COL26A1: variants seen among roughly 807,000 people sequenced by gnomAD.
COL26A1 encodes the protein collagen type XXVI alpha 1 chain, also known as collagen alpha-1(XXVI) chain.
In COL26A1, 41 loss-of-function variants were observed where a neutral mutation model predicts 59.3. The observed-to-expected ratio is 0.69, with a 90% CI of 0.54 to 0.90. The LOEUF is 0.90. COL26A1 is among the 40% of genes least tolerant of loss of function. COL26A1 has a pLI of 0.00. For missense variants in COL26A1, 612 were observed against 602.3 expected (o/e 1.02, Z -0.17); for synonymous variants, 266 against 256.0 (o/e 1.04, Z -0.37).
chr7:101,401,527 A>ACAG (rs527448294), intron 1 of COL26A1, among the ~76,000 whole-genome samples: 1 of 148,134 alleles, frequency 6.8e-6, no homozygotes, highest in Non-Finnish European at 1.5e-5. Flanking sequence ...AGGAGGACAA[A>ACAG]GAGAAGGAGG....
intron 2 of COL26A1, among the ~76,000 whole-genome samples, chr7:101,441,505 A>G (rs1301869203): frequency 6.6e-6 from 1 of 152,026 alleles, no homozygotes; most frequent in Non-Finnish European, 1.5e-5. Context: ...TTTAGTAGAG[A>G]TGGGGTTTCA....
At chr7:101,547,544 G>A (rs1432143435) in intron 8 of COL26A1, among the ~76,000 whole-genome samples, 1 of 152,236 alleles carries the variant, frequency 6.6e-6, no homozygotes, top group Non-Finnish European at 1.5e-5. Flanking sequence ...GGTCAGGACA[G>A]AGGTGGCAGG....
intron 1 of COL26A1, among the ~76,000 whole-genome samples, chr7:101,401,511 G>A (rs1791994568): frequency 6.9e-6 from 1 of 145,364 alleles, no homozygotes. Flanking sequence ...GAAGAGGAGG[G>A]GGAGCAGGAG....
At chr7:101,550,944 T>C (rs988043529) in intron 9 of COL26A1, among the ~76,000 whole-genome samples, 164 bp from the exon 10 acceptor site, 15 of 152,208 alleles carry the variant, frequency 9.9e-5, no homozygotes, top group African/African-American at 3.6e-4. Context: ...GCTCCAGGAC[T>C]GGAGGCCTTT....
At chr7:101,374,292 C>T (rs970940433) in intron 1 of COL26A1, among the ~76,000 whole-genome samples, 15 of 152,242 alleles carry the variant, frequency 9.9e-5, no homozygotes, top group East Asian at 1.9e-4. Flanking sequence ...GAGCGGTGTG[C>T]GTTCTGGCCC....
At chr7:101,402,297 T>TCC (rs1164649536) in intron 1 of COL26A1, among the ~76,000 whole-genome samples, 28 of 152,232 alleles carry the variant, frequency 1.8e-4, no homozygotes, top group African/African-American at 6.5e-4. Context: ...ATCAGGGATT[T>TCC]TCCCCCCCAA....
chr7:101,468,749 G>A (rs1340879811), intron 3 of COL26A1, among the ~76,000 whole-genome samples: 1 of 152,208 alleles, frequency 6.6e-6, no homozygotes, highest in Non-Finnish European at 1.5e-5. Context: ...GGAGGGAGGG[G>A]GAGACGCATT....
chr7:101,436,960 C>T (rs968827726), intron 2 of COL26A1, among the ~76,000 whole-genome samples: 10 of 152,086 alleles, frequency 6.6e-5, no homozygotes, highest in East Asian at 1.9e-4. Flanking sequence ...GTGATCCGCC[C>T]GCCTTGACCT....
chr7:101,533,794 C>G (rs191270238), intron 4 of COL26A1, among the ~76,000 whole-genome samples: 1 of 152,254 alleles, frequency 6.6e-6, no homozygotes, highest in East Asian at 1.9e-4. Context: ...CAGGGGCAGC[C>G]ACCTTAGGGC....
intron 5 of COL26A1, among the ~76,000 whole-genome samples, chr7:101,540,852 A>G (rs1051083531): frequency 6.6e-6 from 1 of 151,808 alleles, no homozygotes; most frequent in African/African-American, 2.4e-5. Flanking sequence ...AAAAAAATAG[A>G]TGATCTTGGG....
At chr7:101,550,030 T>C (rs1367264686) in intron 9 of COL26A1, among the ~76,000 whole-genome samples, 1 of 152,122 alleles carries the variant, frequency 6.6e-6, no homozygotes, top group African/African-American at 2.4e-5. Context: ...TAGTGAGCAA[T>C]GGAGTGTGTG....
intron 2 of COL26A1, 88 bp downstream of exon 2, chr7:101,420,187 G>A: frequency 6.6e-7 from 1 of 1,523,884 alleles, no homozygotes; most frequent in Non-Finnish European, 9.0e-7. Context: ...GAGAGGCTGG[G>A]CTGTGCTCAC....
chr7:101,381,753 C>G (rs1172073536), intron 1 of COL26A1, among the ~76,000 whole-genome samples: 1 of 152,176 alleles, frequency 6.6e-6, no homozygotes, highest in African/African-American at 2.4e-5. Context: ...CTAATGTGTG[C>G]TTTGTGGGGG....
At chr7:101,542,075 C>G (rs918481171) in intron 5 of COL26A1, among the ~76,000 whole-genome samples, 10 of 151,754 alleles carry the variant, frequency 6.6e-5, no homozygotes. Flanking sequence ...CAAGGGATTC[C>G]CCTGCCTCAG....
intron 3 of COL26A1, among the ~76,000 whole-genome samples, chr7:101,528,730 G>A (rs1407119707): frequency 2.6e-5 from 4 of 152,000 alleles, no homozygotes; most frequent in African/African-American, 9.7e-5. Context: ...GTATCTTTTT[G>A]TACAGACAGG....
At chr7:101,399,273 T>G (rs1028104203) in intron 1 of COL26A1, among the ~76,000 whole-genome samples, 1 of 152,072 alleles carries the variant, frequency 6.6e-6, no homozygotes, top group Non-Finnish European at 1.5e-5. Flanking sequence ...GCCACTGTAC[T>G]CCAACATGGG....
At chr7:101,482,263 C>T (rs1174236850) in intron 3 of COL26A1, among the ~76,000 whole-genome samples, 4 of 152,206 alleles carry the variant, frequency 2.6e-5, no homozygotes, top group Non-Finnish European at 5.9e-5. Context: ...CTGCCTTGTC[C>T]TCCCAAAGTG....
At chr7:101,444,726 T>C (rs1793144957) in intron 2 of COL26A1, among the ~76,000 whole-genome samples, 2 of 149,890 alleles carry the variant, frequency 1.3e-5, no homozygotes, top group Admixed American at 1.3e-4. Context: ...CTTTTCTTTC[T>C]TTATCATCTT....
intron 3 of COL26A1, among the ~76,000 whole-genome samples, chr7:101,476,175 T>A (rs1794042237): frequency 6.7e-6 from 1 of 149,048 alleles, no homozygotes; most frequent in Non-Finnish European, 1.5e-5. Context: ...TGTGTGTGTG[T>A]GTGAGTAGAG....
Sources: allele counts gnomAD v4.1 joint callset (sites outside exome capture counted in the v4.1 genomes callset), GRCh38; gene constraint gnomAD v4.1.1; transcripts MANE v1.5; gene names NCBI Gene and HGNC (gene_info 2026-07-23, HGNC 2026-07-21).